The following ZNRF2 variants were observed in gnomAD, a reference collection of about 807,000 sequenced individuals.
ZNRF2 encodes the protein zinc and ring finger 2, also known as E3 ubiquitin-protein ligase ZNRF2.
In ZNRF2, 16 loss-of-function variants were observed where a neutral mutation model predicts 20.4. That is an observed-to-expected ratio of 0.79 (90% CI 0.53 to 1.19). The LOEUF (loss-of-function observed/expected upper bound fraction) is 1.19, where lower values mean the gene tolerates loss of function less well. Among genes scored for constraint, ZNRF2 ranks in the 50% most tolerant of loss-of-function variants. The pLI is 0.00. For synonymous variants in ZNRF2, 178 were observed against 144.9 expected (o/e 1.23, Z -1.64); for missense variants, 363 against 332.4 (o/e 1.09, Z -0.72).
chr7:30,344,714 T>C (rs1799850087), intron 2 of ZNRF2, among the ~76,000 whole-genome samples: 1 of 152,232 alleles, frequency 6.6e-6, no homozygotes, highest in Admixed American at 6.5e-5. Context: ...TTTTCAGATG[T>C]CTCTTGGCTA....
chr7:30,305,351 A>G (rs1034424543), intron 1 of ZNRF2, among the ~76,000 whole-genome samples: 6 of 152,138 alleles, frequency 3.9e-5, no homozygotes, highest in African/African-American at 1.4e-4. Context: ...GTAAAGTTTT[A>G]TTGTTCTTAG....
chr7:30,302,628 T>C (rs1300277973), intron 1 of ZNRF2, among the ~76,000 whole-genome samples: 1 of 152,094 alleles, frequency 6.6e-6, no homozygotes, highest in Admixed American at 6.6e-5. Context: ...TAAAAATTGG[T>C]TATCTCGGAC....
chr7:30,356,494 G>A lies in ZNRF2; in HGVS notation c.671+661G>A, dbSNP rs922267847. On this transcript the variant is annotated intron_variant, in intron 3 of 4. Transcript: ENST00000323037. ...CACTGGTTGAAAAACAGATTGAAAG[G>A]TTGGGATAGGTAGTTGATAAACAAC... is the stretch of plus-strand genomic sequence containing the variant. 4.1e-4 allele frequency among the ~76,000 whole-genome samples: 62 copies of A among 152,018 alleles called. 1 individual carries two copies. The highest frequency in any genetic ancestry group is 1.4e-3 in the African/African-American group (57 of 41,396).
intron 2 of ZNRF2, among the ~76,000 whole-genome samples, chr7:30,355,099 C>CT (rs1378161570): frequency 1.3e-5 from 2 of 152,100 alleles, no homozygotes; most frequent in African/African-American, 4.8e-5. Context: ...GGAAGCCACT[C>CT]TAATTAATGC....
At chr7:30,336,076 A>T (rs1799712441) in intron 2 of ZNRF2, among the ~76,000 whole-genome samples, 1 of 152,212 alleles carries the variant, frequency 6.6e-6, no homozygotes, top group Non-Finnish European at 1.5e-5. Flanking sequence ...AAATTATAAA[A>T]TATGATTATG....
intron 2 of ZNRF2, among the ~76,000 whole-genome samples, chr7:30,351,797 G>A (rs1404082766): frequency 1.3e-5 from 2 of 151,964 alleles, no homozygotes; most frequent in Non-Finnish European, 2.9e-5. Context: ...TATGTCAAAA[G>A]CACATTAAAA....
At chr7:30,353,950 AC>A (rs1355991625) in intron 2 of ZNRF2, among the ~76,000 whole-genome samples, 1 of 152,084 alleles carries the variant, frequency 6.6e-6, no homozygotes, top group African/African-American at 2.4e-5. Flanking sequence ...ATAGACCTTT[AC>A]CAGGTTTTTT....
intron 4 of ZNRF2, among the ~76,000 whole-genome samples, chr7:30,365,098 C>G (rs1210759396): frequency 2.8e-5 from 4 of 145,282 alleles, no homozygotes; most frequent in African/African-American, 7.6e-5. Flanking sequence ...TAGGTTTTAA[C>G]ATAGCAATTT....
Position 30,323,750 on chromosome 7 carries a change from G to T in ZNRF2, c.565+13G>T, listed in dbSNP as rs777844793. ...ATAACCTATAATGGTAAGTCCAATGGTTTAAAATAATATTTTAAGTTAGAA... is the reference window on the plus strand; with the variant it reads ...ATAACCTATAATGGTAAGTCCAATGTTTTAAAATAATATTTTAAGTTAGAA... On this transcript the variant is annotated intron_variant, in intron 2 of 4. Transcript: ENST00000323037. 4.9e-6 allele frequency: 7 copies of T among 1,430,032 alleles called. No individual in the cohort carries two copies. In the Admixed American group the frequency reaches 1.8e-4, roughly 36 times the overall value. 88.6% of individuals were successfully genotyped at this position (1,430,032 alleles called of 1,614,324 possible).
chr7:30,356,697 G>GTTTTTTT (rs1562622054), intron 3 of ZNRF2, among the ~76,000 whole-genome samples: 1 of 128,422 alleles, frequency 7.8e-6, no homozygotes, highest in African/African-American at 3.0e-5. Flanking sequence ...ATATAACATT[G>GTTTTTTT]TATTTTTTTT....
At chr7:30,346,073 G>C (rs1460863352) in intron 2 of ZNRF2, among the ~76,000 whole-genome samples, 1 of 149,042 alleles carries the variant, frequency 6.7e-6, no homozygotes, top group Non-Finnish European at 1.5e-5. Flanking sequence ...GCTATTAGAC[G>C]CCCAAAATAT....
At chr7:30,345,587 G>C (rs1227494462) in intron 2 of ZNRF2, among the ~76,000 whole-genome samples, 1 of 151,176 alleles carries the variant, frequency 6.6e-6, no homozygotes, top group Non-Finnish European at 1.5e-5. Context: ...GCCTTTTCTG[G>C]ATCAAGTTGC....
intron 1 of ZNRF2, among the ~76,000 whole-genome samples, chr7:30,312,214 C>G (rs1799301926): frequency 6.6e-6 from 1 of 152,114 alleles, no homozygotes; most frequent in African/African-American, 2.4e-5. Flanking sequence ...TTCCTGTACT[C>G]AAGCAGTCCT....
At chr7:30,346,346 A>G in intron 2 of ZNRF2, among the ~76,000 whole-genome samples, 1 of 151,012 alleles carries the variant, frequency 6.6e-6, no homozygotes, top group Admixed American at 6.6e-5. Context: ...AGTGCCTGCC[A>G]CCACGCCTGG....
At chr7:30,356,105 T>C (rs575865339) in intron 3 of ZNRF2, among the ~76,000 whole-genome samples, 4 of 152,312 alleles carry the variant, frequency 2.6e-5, no homozygotes, top group African/African-American at 9.6e-5. Flanking sequence ...CTTGTAACCA[T>C]TGCATTTTAC....
At position 30,285,171 on chromosome 7, in the gene ZNRF2, C is replaced by T; in HGVS notation, c.-187C>T. On this transcript the variant is annotated 5_prime_UTR_variant, in exon 1 of 5. Transcript: ENST00000323037. The stretch of plus-strand genomic sequence containing the variant: ...CCCGCGTCAGGCCGTCGGCCTCGCC[C>T]GCCGCCCCAAGAAGAGCGCGCCGGG... 1 of 435,060 alleles carries T rather than the reference C, an allele frequency of 2.3e-6. No homozygotes were observed. The highest frequency in any genetic ancestry group is 4.2e-6 in the Non-Finnish European group (1 of 238,214). 26.9% of individuals were successfully genotyped at this position (435,060 alleles called of 1,614,324 possible). A position where few individuals can be genotyped will look rare whatever the true frequency, so the allele number is the denominator to read the frequency against.
chr7:30,346,334 C>T (rs940201083), intron 2 of ZNRF2, among the ~76,000 whole-genome samples: 1 of 151,750 alleles, frequency 6.6e-6, no homozygotes, highest in Non-Finnish European at 1.5e-5. Context: ...GCTAGGATTA[C>T]AAGTGCCTGC....
intron 1 of ZNRF2, among the ~76,000 whole-genome samples, chr7:30,288,207 A>G (rs1206751124): frequency 6.6e-6 from 1 of 152,226 alleles, no homozygotes; most frequent in African/African-American, 2.4e-5. Flanking sequence ...TTTAGTATCT[A>G]TTATAACATT....
At chr7:30,362,199 G>A (rs895662000) in intron 3 of ZNRF2, among the ~76,000 whole-genome samples, 178 bp from the exon 4 acceptor site, 2 of 151,888 alleles carry the variant, frequency 1.3e-5, no homozygotes, top group South Asian at 4.1e-4. Context: ...TTTCTTAATC[G>A]CTTAGAATCA....
Sources: allele counts gnomAD v4.1 joint callset (sites outside exome capture counted in the v4.1 genomes callset), GRCh38; gene constraint gnomAD v4.1.1; transcripts MANE v1.5; gene names NCBI Gene and HGNC (gene_info 2026-07-23, HGNC 2026-07-21).